The following GALNTL6 variants were observed in gnomAD, a reference collection of about 807,000 sequenced individuals.
GALNTL6 encodes the protein polypeptide N-acetylgalactosaminyltransferase-like 6.
Under a neutral mutation model 73.7 loss-of-function variants are expected in GALNTL6, and 46 were observed. The ratio of observed to expected loss-of-function variants is 0.62; its 90% confidence interval spans 0.49 to 0.80. GALNTL6 has a LOEUF of 0.80. Among genes scored for constraint, GALNTL6 ranks in the 30% least tolerant of loss-of-function variants. The pLI is 0.00. For missense variants in GALNTL6, 604 were observed against 755.0 expected (o/e 0.80, Z 2.34); for synonymous variants, 259 against 263.7 (o/e 0.98, Z 0.17).
At chr4:172,909,715 T>C (rs984867645) in intron 8 of GALNTL6, among the ~76,000 whole-genome samples, 2 of 152,112 alleles carry the variant, frequency 1.3e-5, no homozygotes, top group African/African-American at 2.4e-5. Flanking sequence ...GTTGGAACAA[T>C]TAGAAAATAT....
At chr4:172,330,093 AG>A (rs1435769768) in intron 4 of GALNTL6, among the ~76,000 whole-genome samples, 19 of 152,372 alleles carry the variant, frequency 1.2e-4, no homozygotes, top group African/African-American at 4.6e-4. Flanking sequence ...CAGGATCTGC[AG>A]ACCATTACTG....
At chr4:172,170,692 G>A (rs1419138244) in intron 2 of GALNTL6, among the ~76,000 whole-genome samples, 3 of 151,738 alleles carry the variant, frequency 2.0e-5, no homozygotes, top group Non-Finnish European at 4.4e-5. Context: ...TCTATTTTTT[G>A]TACAGAGGGG....
At chr4:172,689,101 G>A (rs189703210) in intron 5 of GALNTL6, among the ~76,000 whole-genome samples, 271 of 152,226 alleles carry the variant, frequency 1.8e-3, no homozygotes, top group Non-Finnish European at 2.8e-3. Context: ...ATATATGCTT[G>A]TGTTAGAAGT....
intron 2 of GALNTL6, among the ~76,000 whole-genome samples, chr4:172,088,441 A>G (rs1732110604): frequency 6.6e-6 from 1 of 152,200 alleles, no homozygotes; most frequent in Admixed American, 6.5e-5. Context: ...CAGTAACTCA[A>G]TGTGGTACAG....
intron 7 of GALNTL6, among the ~76,000 whole-genome samples, chr4:172,854,911 A>T (rs1019839833): frequency 6.6e-6 from 1 of 152,188 alleles, no homozygotes; most frequent in Non-Finnish European, 1.5e-5. Context: ...TGTAAGTAGT[A>T]GGTGGTAAAA....
intron 5 of GALNTL6, among the ~76,000 whole-genome samples, chr4:172,779,698 T>G (rs1258831382): frequency 6.6e-6 from 1 of 152,214 alleles, no homozygotes; most frequent in Non-Finnish European, 1.5e-5. Flanking sequence ...TTAAAGGTGC[T>G]GAAAGCCCAT....
At position 171,929,231 on chromosome 4, in the gene GALNTL6, T is replaced by C. The variant is rs868058165; in HGVS notation, c.138+114513T>C. ...AGAGGCCCACGCCACCATGCCCAGC[T>C]AATTTTTTACATTTATTTTTTGTAG... On this transcript the variant is annotated intron_variant, in intron 2 of 12. Coordinates refer to ENST00000506823, the MANE Select transcript of GALNTL6 (RefSeq NM_001034845.3). Among the ~76,000 whole-genome samples the C allele has an allele frequency of 3.3e-5, 5 of 152,266 alleles. No individual in the cohort carries two copies. The South Asian group carries it at 1.0e-3, about 32-fold the overall frequency.
chr4:172,755,024 A>G (rs1737664286), intron 5 of GALNTL6, among the ~76,000 whole-genome samples: 1 of 152,100 alleles, frequency 6.6e-6, no homozygotes, highest in Non-Finnish European at 1.5e-5. Context: ...GTAATGCTTG[A>G]TGGGGACTGA....
chr4:172,640,301 T>C (rs1192110735), intron 5 of GALNTL6, among the ~76,000 whole-genome samples: 1 of 152,130 alleles, frequency 6.6e-6, no homozygotes, highest in East Asian at 1.9e-4. Context: ...TGTGTGTTTC[T>C]TCTGTTTGAC....
chr4:172,246,461 A>G (rs922408200), intron 3 of GALNTL6, among the ~76,000 whole-genome samples: 1 of 152,154 alleles, frequency 6.6e-6, no homozygotes, highest in Non-Finnish European at 1.5e-5. Context: ...CAAAGACATT[A>G]TTGGATTGAT....
At chr4:172,690,879 G>A (rs559641584) in intron 5 of GALNTL6, among the ~76,000 whole-genome samples, 1 of 152,200 alleles carries the variant, frequency 6.6e-6, no homozygotes, top group Non-Finnish European at 1.5e-5. Context: ...CTTGAGAAGG[G>A]CCTGGCACTA....
chr4:172,455,359 A>C (rs1188899061), intron 5 of GALNTL6, among the ~76,000 whole-genome samples: 1 of 152,116 alleles, frequency 6.6e-6, no homozygotes, highest in Non-Finnish European at 1.5e-5. Context: ...GCGAGACAGA[A>C]CCATTCACTC....
chr4:171,886,832 G>C (rs1235876410), intron 2 of GALNTL6, among the ~76,000 whole-genome samples: 1 of 152,116 alleles, frequency 6.6e-6, no homozygotes, highest in Non-Finnish European at 1.5e-5. Flanking sequence ...GAGGTGGAGA[G>C]AATATAATAA....
intron 2 of GALNTL6, among the ~76,000 whole-genome samples, chr4:171,869,061 A>G (rs1228098446): frequency 6.6e-6 from 1 of 152,220 alleles, no homozygotes; most frequent in African/African-American, 2.4e-5. Flanking sequence ...ACGGGAAGAT[A>G]TAACAGGGTA....
intron 2 of GALNTL6, among the ~76,000 whole-genome samples, chr4:171,873,924 T>G (rs1267189478): frequency 6.6e-6 from 1 of 152,140 alleles, no homozygotes; most frequent in East Asian, 1.9e-4. Context: ...ATCTTTCAAT[T>G]TGAGGGAAAG....
intron 12 of GALNTL6, among the ~76,000 whole-genome samples, chr4:173,039,380 G>A (rs1753814442): frequency 6.7e-6 from 1 of 149,878 alleles, no homozygotes; most frequent in Non-Finnish European, 1.5e-5. Flanking sequence ...AAGGGCAGCT[G>A]AGAACCCGGC....
At chr4:172,948,011 A>C (rs1173954127) in intron 9 of GALNTL6, among the ~76,000 whole-genome samples, 2 of 152,230 alleles carry the variant, frequency 1.3e-5, no homozygotes, top group Admixed American at 6.5e-5. Flanking sequence ...GTGACAAACT[A>C]ACACAATGTT....
At chr4:172,047,215 G>A (rs1157234817) in intron 2 of GALNTL6, among the ~76,000 whole-genome samples, 1 of 152,138 alleles carries the variant, frequency 6.6e-6, no homozygotes, top group Non-Finnish European at 1.5e-5. Flanking sequence ...CCCTGGGAAG[G>A]TTGCATTGAG....
intron 2 of GALNTL6, among the ~76,000 whole-genome samples, chr4:172,175,029 G>C (rs372985419): frequency 2.0e-5 from 3 of 152,102 alleles, no homozygotes; most frequent in East Asian, 3.9e-4. Flanking sequence ...CCCTAAGAGA[G>C]TGCAAACTGG....
Sources: allele counts gnomAD v4.1 joint callset (sites outside exome capture counted in the v4.1 genomes callset), GRCh38; gene constraint gnomAD v4.1.1; transcripts MANE v1.5; gene names NCBI Gene and HGNC (gene_info 2026-07-23, HGNC 2026-07-21).